Variants in MASP1 observed in about 807,000 individuals in gnomAD.
The protein encoded by MASP1 is mannan-binding lectin serine protease 1.
In MASP1, 59 loss-of-function variants were observed where a neutral mutation model predicts 77.1. The ratio of observed to expected loss-of-function variants is 0.77; its 90% confidence interval spans 0.62 to 0.95. The LOEUF is 0.95. Among genes scored for constraint, MASP1 ranks in the 40% least tolerant of loss-of-function variants. The pLI, the probability that MASP1 is intolerant of heterozygous loss-of-function variation, is 0.00. For missense variants in MASP1, 885 were observed against 912.9 expected (o/e 0.97, Z 0.39); for synonymous variants, 362 against 354.5 (o/e 1.02, Z -0.24).
chr3:187,229,866 C>T (rs779738469), downstream of MASP1: 3 of 1,614,150 alleles, frequency 1.9e-6, no homozygotes, highest in Non-Finnish European at 2.5e-6. Context: ...TCCTGGCCAT[C>T]AGCTTCCGGG....
chr3:187,255,364 C>G (rs1714986114), intron 5 of MASP1, among the ~76,000 whole-genome samples: 1 of 150,966 alleles, frequency 6.6e-6, no homozygotes, highest in African/African-American at 2.4e-5. Flanking sequence ...CTGCAAGGAA[C>G]TGAATTCTGC....
chr3:187,246,524 T>C (rs16848736), intron 8 of MASP1: 32,716 of 985,396 alleles, frequency 0.033, 833 homozygotes, highest in South Asian at 0.12. Context: ...GGCAGTCCAT[T>C]TAATGCAAAG....
chr3:187,219,723 G>C (rs2108496106), exon 16 of MASP1: 1 of 367,160 alleles, frequency 2.7e-6, no homozygotes, highest in South Asian at 2.3e-5. Flanking sequence ...TAAGTGCTAT[G>C]CATCTATTAG....
chr3:187,241,706 C>T, intron 9 of MASP1, 151 bp from the exon 10 acceptor site: 1 of 634,622 alleles, frequency 1.6e-6, no homozygotes, highest in Admixed American at 2.3e-5. Flanking sequence ...GTCTCTGAGC[C>T]TAGATGTACT....
intron 2 of MASP1, among the ~76,000 whole-genome samples, chr3:187,271,131 C>T (rs747993124): frequency 5.3e-5 from 8 of 152,150 alleles, no homozygotes; most frequent in African/African-American, 1.4e-4. Context: ...GTTTCTGGGG[C>T]CTCAAAAGTC....
In MASP1 at chr3:187,221,135, C is replaced by G. The variant is rs1712036203; in HGVS notation, c.1810-1G>C. 2 of 1,612,318 alleles carry G rather than the reference C, an allele frequency of 1.2e-6. No individual in the cohort carries two copies. The highest frequency in any genetic ancestry group is 2.2e-5 in the South Asian group (2 of 90,860). ...TGTGGTCAACAATCGGGATTTCAAT[C>G]TAGAACACAAAGCTGTTATTGGTCC... On this transcript the variant is annotated splice_acceptor_variant, in intron 14 of 15. Transcript: ENST00000337774. LOFTEE classifies it high-confidence loss of function.
intron 2 of MASP1, among the ~76,000 whole-genome samples, chr3:187,265,616 C>T (rs117140910): frequency 8.2e-4 from 125 of 152,160 alleles, no homozygotes; most frequent in East Asian, 3.1e-3. Flanking sequence ...CAGAGCTGGG[C>T]GGGACCTTTA....
intron 5 of MASP1, among the ~76,000 whole-genome samples, chr3:187,255,795 C>T (rs1041446928): frequency 1.3e-5 from 2 of 152,146 alleles, no homozygotes; most frequent in African/African-American, 4.8e-5. Flanking sequence ...GTTCCTCTTC[C>T]TCCATCTAGG....
At chr3:187,263,065 C>T (rs1715733986) in intron 2 of MASP1, 1 of 312,224 alleles carries the variant, frequency 3.2e-6, no homozygotes, top group Admixed American at 4.8e-5. Context: ...AGGAACTTAC[C>T]ACATTTCCAA....
intron 2 of MASP1, among the ~76,000 whole-genome samples, chr3:187,282,754 C>A (rs1418785780): frequency 2.0e-5 from 3 of 152,182 alleles, no homozygotes; most frequent in African/African-American, 7.2e-5. Flanking sequence ...GCTGTTGGAA[C>A]CTCTGCAGAA....
At chr3:187,252,656 C>T (rs573152669) in intron 6 of MASP1, among the ~76,000 whole-genome samples, 6 of 152,278 alleles carry the variant, frequency 3.9e-5, no homozygotes, top group African/African-American at 1.4e-4. Context: ...CCAGTTACTG[C>T]AGGTTGAATG....
Position 187,248,325 on chromosome 3 carries a change from G to A in MASP1, c.1090+1926C>T, listed in dbSNP as rs567105325. Among the ~76,000 whole-genome samples the A allele has an allele frequency of 1.5e-4, 23 of 152,298 alleles. No homozygotes were observed. The South Asian group carries it at 4.6e-3, about 30-fold the overall frequency. Reference sequence around the variant, plus strand: ...TAGTGAGGGGATTGGGTTGGGGCAGGAGGAGTCCGTTTATCTTTTGCATGT... The same window carrying A: ...TAGTGAGGGGATTGGGTTGGGGCAGAAGGAGTCCGTTTATCTTTTGCATGT... On this transcript the variant is annotated intron_variant, in intron 8 of 10. Transcript: ENST00000296280.
chr3:187,235,517 A>G lies in MASP1; in HGVS notation c.*167T>C, dbSNP rs1713073201. 2.0e-6 allele frequency: 3 copies of G among 1,532,186 alleles called. No homozygotes were observed. The highest frequency in any genetic ancestry group is 2.4e-5 in the South Asian group (2 of 83,280). The allele number at this position is 1,532,186 out of a possible 1,614,324, so 94.9% of individuals were successfully genotyped here. A position where few individuals can be genotyped will look rare whatever the true frequency, so the allele number is the denominator to read the frequency against. Reference sequence around the variant, plus strand: ...GTCTCCTGCCTGGAGCCTTTTCCCTATACCACACTCTGCCTCTCAGGGTCC... The same window carrying G: ...GTCTCCTGCCTGGAGCCTTTTCCCTGTACCACACTCTGCCTCTCAGGGTCC... On this transcript the variant is annotated 3_prime_UTR_variant, in exon 11 of 11. Transcript: ENST00000296280.
intron 2 of MASP1, among the ~76,000 whole-genome samples, chr3:187,264,662 G>A (rs1047158086): frequency 6.6e-6 from 1 of 152,050 alleles, no homozygotes; most frequent in Non-Finnish European, 1.5e-5. Flanking sequence ...GGACTATAAA[G>A]CCTTGAACTT....
At chr3:187,247,100 T>C (rs1263960465) in intron 8 of MASP1, 3 of 1,421,168 alleles carry the variant, frequency 2.1e-6, no homozygotes, top group Non-Finnish European at 2.7e-6. Context: ...CATTTTTTTT[T>C]CATTATTTTC....
intron 8 of MASP1, chr3:187,247,520 G>A (rs1714198198): frequency 4.1e-6 from 4 of 981,634 alleles, no homozygotes; most frequent in Non-Finnish European, 6.4e-6. Flanking sequence ...TACTCCACCA[G>A]AATTGATTAA....
chr3:187,273,991 T>G (rs1208798129), intron 2 of MASP1, among the ~76,000 whole-genome samples: 1 of 152,130 alleles, frequency 6.6e-6, no homozygotes, highest in Non-Finnish European at 1.5e-5. Context: ...GGGTAAATCA[T>G]GAAGTCAGGA....
chr3:187,223,059 A>G (rs1324543325), intron 14 of MASP1: 1 of 1,389,576 alleles, frequency 7.2e-7, no homozygotes. Flanking sequence ...TAAGGGAACA[A>G]TACGGAGCAG....
downstream of MASP1, among the ~76,000 whole-genome samples, chr3:187,233,223 C>T (rs1712875381): frequency 1.3e-5 from 2 of 152,202 alleles, no homozygotes. Flanking sequence ...GTGGGTGAGA[C>T]CCAGCCATCT....
Sources: allele counts gnomAD v4.1 joint callset (sites outside exome capture counted in the v4.1 genomes callset), GRCh38; gene constraint gnomAD v4.1.1; transcripts MANE v1.5; gene names NCBI Gene and HGNC (gene_info 2026-07-23, HGNC 2026-07-21).